HEPACAM2: variants seen among roughly 807,000 people sequenced by gnomAD.
HEPACAM2 encodes the protein HEPACAM family member 2, also known as mitotic kinetics regulator.
In HEPACAM2, 49 loss-of-function variants were observed where a neutral mutation model predicts 49.6. The ratio of observed to expected loss-of-function variants is 0.99; its 90% CI spans 0.78 to 1.25. The LOEUF (loss-of-function observed/expected upper bound fraction) is 1.25, where lower values mean the gene tolerates loss of function less well. HEPACAM2 is among the 50% of genes most tolerant of loss of function. The pLI is 0.00. For synonymous variants in HEPACAM2, 197 were observed against 202.9 expected (o/e 0.97, Z 0.25); for missense variants, 525 against 557.2 (o/e 0.94, Z 0.58).
intron 7 of HEPACAM2, among the ~76,000 whole-genome samples, chr7:93,196,155 A>G (rs1029424328): frequency 6.6e-6 from 1 of 152,118 alleles, no homozygotes; most frequent in African/African-American, 2.4e-5. Context: ...TTACATCTTT[A>G]AATACACACA....
chr7:93,216,816 A>C (rs1260867970), intron 2 of HEPACAM2, among the ~76,000 whole-genome samples: 1 of 152,176 alleles, frequency 6.6e-6, no homozygotes, highest in African/African-American at 2.4e-5. Flanking sequence ...TCCAATGTTT[A>C]GACTTCAATT....
At chr7:93,204,691 A>T (rs1446044594) in intron 4 of HEPACAM2, among the ~76,000 whole-genome samples, 3 of 152,148 alleles carry the variant, frequency 2.0e-5, no homozygotes, top group African/African-American at 7.2e-5. Context: ...CGTACATAGC[A>T]TTAAATTGGA....
In HEPACAM2 at chr7:93,197,629, A is replaced by T; in HGVS notation, c.1013-19T>A. 1 of 1,543,932 alleles carries T rather than the reference A, an allele frequency of 6.5e-7. No individual in the cohort carries two copies. Among genetic ancestry groups the T allele is most frequent in the Non-Finnish European group, 8.7e-7 (1 of 1,146,330 alleles). ...TCCAGTCCTAAATAAAAAGATAAAC[A>T]TATTTTTAGCAATAAATTGCTACAG... On this transcript the variant is annotated intron_variant, in intron 4 of 9. Transcript: ENST00000394468.
chr7:93,202,034 A>C (rs1248528112), intron 4 of HEPACAM2, among the ~76,000 whole-genome samples: 86 of 3,140 alleles, frequency 0.027, no homozygotes, highest in Middle Eastern at 0.2. Flanking sequence ...AAAAAAACCA[A>C]AAAAAAAAAA....
chr7:93,224,711 C>T (rs1321140954), intron 1 of HEPACAM2, among the ~76,000 whole-genome samples: 2 of 152,110 alleles, frequency 1.3e-5, no homozygotes, highest in African/African-American at 4.8e-5. Flanking sequence ...ACAAAGTGAC[C>T]TCTGCTGTAG....
At chr7:93,201,254 A>G (rs1309413770) in intron 4 of HEPACAM2, among the ~76,000 whole-genome samples, 1 of 152,104 alleles carries the variant, frequency 6.6e-6, no homozygotes, top group East Asian at 1.9e-4. Flanking sequence ...TTCATACATA[A>G]GGTGTGTATC....
At position 93,208,778 on chromosome 7, in the gene HEPACAM2, C is replaced by A. The variant is rs753740870; in HGVS notation, c.814G>T (p.Ala272Ser). The change falls in exon 4 of 10, where the codon GCT (alanine) becomes TCT (serine). Residue 272 changes from alanine to serine, a missense_variant. Coordinates refer to ENST00000394468, the MANE Select transcript of HEPACAM2 (RefSeq NM_001039372.4). ...TAGGTGTTGGGGGGATGAGAATCAG[C>A]AGAACAATCAAATAGGATGGCCTCT... is the stretch of plus-strand genomic sequence containing the variant. Reference protein sequence around the residue: ...LGEAILFDCSADSHPPNTYSW... With the variant: ...LGEAILFDCSSDSHPPNTYSW... 7.4e-6 allele frequency: 12 copies of A among 1,612,946 alleles called. No individual in the cohort carries two copies. The highest frequency in any genetic ancestry group is 1.0e-5 in the Non-Finnish European group (12 of 1,179,392).
At chr7:93,196,462 C>A (rs1462992251) in intron 7 of HEPACAM2, among the ~76,000 whole-genome samples, 1 of 152,048 alleles carries the variant, frequency 6.6e-6, no homozygotes, top group African/African-American at 2.4e-5. Flanking sequence ...GGGGCCCTTG[C>A]CAGCTCTGAC....
chr7:93,201,183 G>T (rs182915258), intron 4 of HEPACAM2, among the ~76,000 whole-genome samples: 1 of 151,986 alleles, frequency 6.6e-6, no homozygotes, highest in Non-Finnish European at 1.5e-5. Flanking sequence ...ATATAGCTAT[G>T]CTAGCTTTCT....
intron 4 of HEPACAM2, among the ~76,000 whole-genome samples, chr7:93,206,227 G>A (rs1794025168): frequency 6.6e-6 from 1 of 152,020 alleles, no homozygotes; most frequent in Non-Finnish European, 1.5e-5. Flanking sequence ...GCTTAATTAT[G>A]GCTTGCTGTA....
intron 1 of HEPACAM2, among the ~76,000 whole-genome samples, chr7:93,224,887 A>T (rs1237006580): frequency 6.6e-6 from 1 of 152,186 alleles, no homozygotes; most frequent in African/African-American, 2.4e-5. Flanking sequence ...TCAAATTTTT[A>T]AAAATTTTTT....
upstream of HEPACAM2, among the ~76,000 whole-genome samples, chr7:93,229,486 C>G (rs1209690748): frequency 6.6e-6 from 1 of 152,162 alleles, no homozygotes; most frequent in Non-Finnish European, 1.5e-5. Context: ...GAAATTTTAT[C>G]TTTCTAATCA....
intron 4 of HEPACAM2, among the ~76,000 whole-genome samples, chr7:93,206,342 C>T (rs1244313942): frequency 6.6e-6 from 1 of 152,086 alleles, no homozygotes; most frequent in Non-Finnish European, 1.5e-5. Context: ...GTGTTTGCCA[C>T]TCATGTTAGA....
chr7:93,232,206 T>A, the HEPACAM2 span: 1 of 451,908 alleles, frequency 2.2e-6, no homozygotes. Flanking sequence ...TGAGCAGTAA[T>A]ATTTACCGGC....
chr7:93,222,736 T>C (rs1182722722), intron 1 of HEPACAM2, among the ~76,000 whole-genome samples: 1 of 152,138 alleles, frequency 6.6e-6, no homozygotes, highest in Non-Finnish European at 1.5e-5. Context: ...AGATAAGGTG[T>C]AAGGCCTTTC....
At chr7:93,212,273 G>A (rs966414476) in intron 3 of HEPACAM2, among the ~76,000 whole-genome samples, 10 of 151,838 alleles carry the variant, frequency 6.6e-5, no homozygotes, top group Non-Finnish European at 1.2e-4. Flanking sequence ...TTTTGATTTC[G>A]TTACTTCCCC....
rs1794283499 is a variant in HEPACAM2 at position 93,215,541 on chromosome 7, C to T, written c.575G>A (p.Ser192Asn). Residue 192 changes from serine to asparagine, a missense_variant, in exon 3 of 10, where the codon AGC becomes AAC. Ser to Asn is a conservative substitution (Grantham distance 46, BLOSUM62 1). Coordinates refer to ENST00000394468, the MANE Select transcript of HEPACAM2 (RefSeq NM_001039372.4). Reference protein sequence around the residue: ...WLKNGRPVHTSSTYSFSPQNN... With the variant: ...WLKNGRPVHTNSTYSFSPQNN... ...TTGGGGAGAAAAGGAGTAGGTGGAGCTGGTGTGGACAGGTCTCCCATTTTT... is the reference window on the plus strand; with the variant it reads ...TTGGGGAGAAAAGGAGTAGGTGGAGTTGGTGTGGACAGGTCTCCCATTTTT... 6.2e-7 allele frequency: 1 copy of T among 1,613,796 alleles called. No homozygotes were observed. The highest frequency in any genetic ancestry group is 8.5e-7 in the Non-Finnish European group (1 of 1,179,838).
chr7:93,223,131 A>G (rs1794481665), intron 1 of HEPACAM2, among the ~76,000 whole-genome samples: 1 of 152,198 alleles, frequency 6.6e-6, no homozygotes, highest in Non-Finnish European at 1.5e-5. Context: ...GAAGGTCTGA[A>G]TGGATTCTGA....
intron 1 of HEPACAM2, among the ~76,000 whole-genome samples, chr7:93,224,101 T>G (rs1017339664): frequency 6.6e-6 from 1 of 152,094 alleles, no homozygotes; most frequent in East Asian, 1.9e-4. Flanking sequence ...AAAATCATCC[T>G]CTGCATGAAC....
Sources: allele counts gnomAD v4.1 joint callset (sites outside exome capture counted in the v4.1 genomes callset), GRCh38; gene constraint gnomAD v4.1.1; transcripts MANE v1.5; gene names NCBI Gene and HGNC (gene_info 2026-07-23, HGNC 2026-07-21).